Variants in GPC6 observed in about 807,000 individuals in gnomAD.
GPC6 encodes the protein glypican-6.
Under a neutral mutation model 55.2 loss-of-function variants are expected in GPC6, and 14 were observed. The ratio of observed to expected loss-of-function variants is 0.25; its 90% confidence interval spans 0.17 to 0.40. The LOEUF is 0.40. Among genes scored for constraint, GPC6 ranks in the 10% least tolerant of loss-of-function variants. The pLI is 1.00. For synonymous variants in GPC6, 278 were observed against 259.6 expected, an observed-to-expected ratio of 1.07 and a Z score of -0.68; for missense variants, 641 against 708.5, an observed-to-expected ratio of 0.90 and a Z score of 1.08.
At chr13:93,640,280 C>T (rs1442258465) in intron 2 of GPC6, among the ~76,000 whole-genome samples, 4 of 152,080 alleles carry the variant, frequency 2.6e-5, no homozygotes, top group Admixed American at 1.3e-4. Context: ...ATTATACCAG[C>T]ATGTGCTCTC....
At chr13:93,842,878 T>C (rs1888005352) in intron 3 of GPC6, among the ~76,000 whole-genome samples, 1 of 152,150 alleles carries the variant, frequency 6.6e-6, no homozygotes, top group African/African-American at 2.4e-5. Flanking sequence ...ATCTGAATTT[T>C]TTTGAAGAAG....
At chr13:94,165,576 C>T (rs543146916) in intron 4 of GPC6, among the ~76,000 whole-genome samples, 3 of 152,046 alleles carry the variant, frequency 2.0e-5, no homozygotes, top group Admixed American at 6.6e-5. Context: ...ACCAAAATCC[C>T]ACAAATCACC....
intron 2 of GPC6, among the ~76,000 whole-genome samples, chr13:93,805,266 T>A (rs546139771): frequency 3.3e-5 from 5 of 152,296 alleles, no homozygotes; most frequent in Admixed American, 2.6e-4. Context: ...TAGTTATCAA[T>A]ATAATAACAT....
At chr13:93,506,933 C>T (rs893828849) in intron 1 of GPC6, among the ~76,000 whole-genome samples, 4 of 149,004 alleles carry the variant, frequency 2.7e-5, no homozygotes, top group African/African-American at 4.9e-5. Flanking sequence ...TGGCGGCGGG[C>T]GCCTGTAGTC....
At chr13:93,216,830 A>C in the GPC6 span, among the ~76,000 whole-genome samples, 1 of 152,228 alleles carries the variant, frequency 6.6e-6, no homozygotes, top group Non-Finnish European at 1.5e-5. Flanking sequence ...ACTGAGTAGA[A>C]GAGAGATCTG....
intron 1 of GPC6, among the ~76,000 whole-genome samples, chr13:93,276,473 A>G (rs1333118839): frequency 8.1e-6 from 1 of 122,814 alleles, no homozygotes; most frequent in African/African-American, 4.4e-5. Flanking sequence ...AGAGAGAGAG[A>G]GAGAGAGAGA....
At chr13:94,033,000 TG>T (rs1883198681) in intron 4 of GPC6, among the ~76,000 whole-genome samples, 1 of 152,070 alleles carries the variant, frequency 6.6e-6, no homozygotes, top group African/African-American at 2.4e-5. Flanking sequence ...GGTTTAGGCA[TG>T]GGAATGGAAT....
intron 1 of GPC6, among the ~76,000 whole-genome samples, chr13:93,373,070 C>G (rs1192085723): frequency 6.6e-6 from 1 of 152,198 alleles, no homozygotes; most frequent in East Asian, 1.9e-4. Flanking sequence ...ACATCTCCCT[C>G]TGTGGTGTAT....
chr13:94,377,244 C>T (rs891068411), intron 6 of GPC6, among the ~76,000 whole-genome samples: 12 of 149,268 alleles, frequency 8.0e-5, no homozygotes, highest in Non-Finnish European at 1.8e-4. Context: ...AAACTACCAT[C>T]AGAGTGAACA....
At chr13:94,142,000 G>A (rs1364891748) in intron 4 of GPC6, among the ~76,000 whole-genome samples, 1 of 149,956 alleles carries the variant, frequency 6.7e-6, no homozygotes, top group African/African-American at 2.4e-5. Flanking sequence ...TTTTTTCCGT[G>A]TGTGTGTGTG....
intron 3 of GPC6, among the ~76,000 whole-genome samples, chr13:93,959,111 T>C (rs1349071717): frequency 1.3e-5 from 2 of 152,114 alleles, no homozygotes; most frequent in African/African-American, 2.4e-5. Context: ...TAAAATCATA[T>C]TGTCAGCCAA....
chr13:94,383,756 C>A (rs749491538), intron 7 of GPC6, among the ~76,000 whole-genome samples: 1 of 152,256 alleles, frequency 6.6e-6, no homozygotes, highest in South Asian at 2.1e-4. Flanking sequence ...AAGAACTTCC[C>A]TGAGACTGGG....
intron 1 of GPC6, among the ~76,000 whole-genome samples, chr13:93,397,936 A>G (rs1421072257): frequency 6.6e-6 from 1 of 152,184 alleles, no homozygotes; most frequent in Middle Eastern, 3.2e-3. Flanking sequence ...AGATGCTGCT[A>G]AGGTATCTGA....
chr13:93,978,074 A>G (rs930803826), intron 3 of GPC6, among the ~76,000 whole-genome samples: 3 of 152,170 alleles, frequency 2.0e-5, no homozygotes, highest in African/African-American at 7.2e-5. Context: ...ATGGAAGAAG[A>G]TGGTCGACAA....
chr13:93,909,389 C>A (rs1876843587), intron 3 of GPC6, among the ~76,000 whole-genome samples: 1 of 151,764 alleles, frequency 6.6e-6, no homozygotes. Context: ...ATAAGAAAAA[C>A]ATAAAGAAGA....
At chr13:94,305,765 A>G (rs888637562) in intron 5 of GPC6, among the ~76,000 whole-genome samples, 1 of 152,222 alleles carries the variant, frequency 6.6e-6, no homozygotes, top group Non-Finnish European at 1.5e-5. Context: ...TGCTGAAACT[A>G]TGAGTCAGGG....
chr13:94,083,509 AG>A (rs1188106561), intron 4 of GPC6, among the ~76,000 whole-genome samples: 2 of 152,196 alleles, frequency 1.3e-5, no homozygotes, highest in Admixed American at 6.5e-5. Flanking sequence ...TAAAAATGCA[AG>A]TTTCATAAGG....
At chr13:94,068,523 C>T (rs1884617028) in intron 4 of GPC6, among the ~76,000 whole-genome samples, 1 of 152,154 alleles carries the variant, frequency 6.6e-6, no homozygotes, top group Non-Finnish European at 1.5e-5. Flanking sequence ...TAACTTATTT[C>T]AGCATTAATT....
chr13:94,396,421 T>C (rs1880899452), intron 7 of GPC6, among the ~76,000 whole-genome samples: 1 of 152,190 alleles, frequency 6.6e-6, no homozygotes, highest in Non-Finnish European at 1.5e-5. Flanking sequence ...GCACGTCTTT[T>C]GGTGGATGGT....
Sources: gnomAD v4.1 joint callset for allele counts (sites outside exome capture counted in the v4.1 genomes callset) on GRCh38, gnomAD v4.1.1 for gene constraint, MANE v1.5 for transcripts, NCBI Gene and HGNC (gene_info 2026-07-23, HGNC 2026-07-21) for gene names.